Variants in LRRC1 observed in about 807,000 individuals in gnomAD.
LRRC1 encodes the protein leucine rich repeat containing 1.
LRRC1 carries 28 observed loss-of-function variants against 69.9 expected under a neutral mutation model. That is an observed-to-expected ratio of 0.40 (90% CI 0.30 to 0.55). LRRC1 has a LOEUF of 0.55. Among genes scored for constraint, LRRC1 ranks in the 20% least tolerant of loss-of-function variants. The pLI, the probability that LRRC1 is intolerant of heterozygous loss-of-function variation, is 0.47. For synonymous variants in LRRC1, 236 were observed against 240.2 expected, an observed-to-expected ratio of 0.98 and a Z score of 0.16; for missense variants, 498 against 609.0, an observed-to-expected ratio of 0.82 and a Z score of 1.92.
intron 2 of LRRC1, among the ~76,000 whole-genome samples, chr6:53,853,286 T>A (rs1008749163): frequency 2.0e-5 from 3 of 147,192 alleles, no homozygotes; most frequent in East Asian, 2.0e-4. Context: ...GTTCATATTT[T>A]TTTTTTTTTT....
intron 11 of LRRC1, among the ~76,000 whole-genome samples, chr6:53,917,934 T>G (rs1167650692): frequency 6.6e-6 from 1 of 152,242 alleles, no homozygotes; most frequent in African/African-American, 2.4e-5. Context: ...TATGCAACAT[T>G]CTTTGGATAG....
At chr6:53,894,277 CA>C (rs1435475251) in intron 4 of LRRC1, among the ~76,000 whole-genome samples, 5 of 152,172 alleles carry the variant, frequency 3.3e-5, no homozygotes, top group Non-Finnish European at 5.9e-5. Context: ...CATTACTAAC[CA>C]GATGAGATGG....
At chr6:53,869,903 C>A (rs1331742349) in intron 2 of LRRC1, among the ~76,000 whole-genome samples, 1 of 152,176 alleles carries the variant, frequency 6.6e-6, no homozygotes, top group Non-Finnish European at 1.5e-5. Flanking sequence ...TTAAAGCAAA[C>A]CAGCAATCAA....
chr6:53,830,668 TAGAG>T (rs1312456128), intron 1 of LRRC1, among the ~76,000 whole-genome samples: 1 of 152,188 alleles, frequency 6.6e-6, no homozygotes, highest in African/African-American at 2.4e-5. Flanking sequence ...GTTTAAATGT[TAGAG>T]AGGATTTATT....
chr6:53,859,043 ATAT>A (rs1253828636), intron 2 of LRRC1, among the ~76,000 whole-genome samples: 1 of 152,210 alleles, frequency 6.6e-6, no homozygotes, highest in East Asian at 1.9e-4. Context: ...AGGCACTGGG[ATAT>A]TATCACAAGT....
chr6:53,827,448 G>T (rs953735932), intron 1 of LRRC1, among the ~76,000 whole-genome samples: 1 of 152,100 alleles, frequency 6.6e-6, no homozygotes, highest in African/African-American at 2.4e-5. Flanking sequence ...TACTACAGGG[G>T]GCTCATTAAT....
intron 1 of LRRC1, among the ~76,000 whole-genome samples, chr6:53,808,786 A>G (rs1764707371): frequency 6.6e-6 from 1 of 152,162 alleles, no homozygotes; most frequent in South Asian, 2.1e-4. Flanking sequence ...TGTTCTGTGA[A>G]GGGGAACAGA....
At chr6:53,813,536 G>GTTTTTTTTT (rs373976626) in intron 1 of LRRC1, among the ~76,000 whole-genome samples, 1 of 123,684 alleles carries the variant, frequency 8.1e-6, no homozygotes, top group Non-Finnish European at 1.6e-5. Flanking sequence ...TGGCTCAGTG[G>GTTTTTTTTT]TTTTTTTTTT....
At chr6:53,826,094 G>A (rs7754791) in intron 1 of LRRC1, among the ~76,000 whole-genome samples, 125,175 of 150,912 alleles carry the variant, frequency 0.83, 52,127 homozygotes, top group East Asian at 0.96. Flanking sequence ...AACACACTAG[G>A]TCAGAGCATC....
intron 10 of LRRC1, among the ~76,000 whole-genome samples, chr6:53,912,873 T>C (rs934275749): frequency 6.6e-6 from 1 of 151,456 alleles, no homozygotes; most frequent in African/African-American, 2.4e-5. Context: ...TCATGAGCCT[T>C]TTCTAGCAAT....
At chr6:53,808,098 A>G (rs1445958241) in intron 1 of LRRC1, among the ~76,000 whole-genome samples, 1 of 152,210 alleles carries the variant, frequency 6.6e-6, no homozygotes, top group Non-Finnish European at 1.5e-5. Context: ...TACCTGATTT[A>G]TGTTAGAGAG....
At chr6:53,855,989 G>A (rs555490606) in intron 2 of LRRC1, among the ~76,000 whole-genome samples, 1 of 152,300 alleles carries the variant, frequency 6.6e-6, no homozygotes, top group East Asian at 1.9e-4. Context: ...GTCTTCTGGA[G>A]CCCTTTCTCA....
rs758906499 is a variant in LRRC1 at position 53,872,147 on chromosome 6, G to A, written c.278-6846G>A. 2.8e-4 allele frequency among the ~76,000 whole-genome samples: 42 copies of A among 152,072 alleles called. 1 individual carries two copies. The highest frequency in any genetic ancestry group is 7.4e-5 in the Non-Finnish European group (5 of 68,020). On this transcript the variant is annotated intron_variant, in intron 2 of 13. Coordinates refer to ENST00000370888, the MANE Select transcript of LRRC1 (RefSeq NM_018214.5). ...ATATATGGTGAGAGATAGGGATCTC[G>A]TTTCATTCTTCTGCATGTGGATATC...
intron 1 of LRRC1, among the ~76,000 whole-genome samples, chr6:53,799,370 C>T (rs976400502): frequency 2.0e-5 from 3 of 152,194 alleles, no homozygotes; most frequent in African/African-American, 7.2e-5. Flanking sequence ...CACGGCTGGA[C>T]CTAGGACAGT....
intron 2 of LRRC1, among the ~76,000 whole-genome samples, chr6:53,876,727 C>T (rs1767080705): frequency 6.6e-6 from 1 of 152,198 alleles, no homozygotes; most frequent in Admixed American, 6.5e-5. Flanking sequence ...GTCTCACATC[C>T]AGGTCATGCT....
chr6:53,918,223 A>G (rs1425204899), intron 11 of LRRC1, among the ~76,000 whole-genome samples: 2 of 152,238 alleles, frequency 1.3e-5, no homozygotes, highest in East Asian at 1.9e-4. Flanking sequence ...TCGTGGATGC[A>G]CTGGCTTAAG....
At chr6:53,823,349 A>G (rs1024882664) in intron 1 of LRRC1, among the ~76,000 whole-genome samples, 16 of 152,324 alleles carry the variant, frequency 1.1e-4, no homozygotes, top group African/African-American at 3.6e-4. Flanking sequence ...GAAAAAGACA[A>G]GTTGATAATT....
At chr6:53,853,141 A>G (rs1244924878) in intron 2 of LRRC1, among the ~76,000 whole-genome samples, 4 of 152,122 alleles carry the variant, frequency 2.6e-5, no homozygotes, top group South Asian at 2.1e-4. Context: ...CACTAATCCC[A>G]TTCATGAGGG....
chr6:53,851,660 T>G (rs548474745), intron 2 of LRRC1, among the ~76,000 whole-genome samples: 1 of 152,158 alleles, frequency 6.6e-6, no homozygotes, highest in East Asian at 1.9e-4. Context: ...GCAGTGAAAT[T>G]AACATATAAA....
Sources: allele counts gnomAD v4.1 joint callset (sites outside exome capture counted in the v4.1 genomes callset), GRCh38; gene constraint gnomAD v4.1.1; transcripts MANE v1.5; gene names NCBI Gene and HGNC (gene_info 2026-07-23, HGNC 2026-07-21).